VPS13D: variants seen among roughly 807,000 people sequenced by gnomAD.
The protein encoded by VPS13D is intermembrane lipid transfer protein VPS13D.
Under a neutral mutation model 461.9 loss-of-function variants are expected in VPS13D, and 187 were observed. The ratio of observed to expected loss-of-function variants is 0.40; its 90% CI spans 0.36 to 0.46. VPS13D has a LOEUF of 0.46. Among genes scored for constraint, VPS13D ranks in the 20% least tolerant of loss-of-function variants. VPS13D has a pLI of 0.60. For synonymous variants in VPS13D, 1,951 were observed against 1,986.3 expected, an observed-to-expected ratio of 0.98 and a Z score of 0.47; for missense variants, 4,711 against 5,364.9, an observed-to-expected ratio of 0.88 and a Z score of 3.81.
chr1:12,397,374 G>A (rs1404498622), intron 60 of VPS13D, among the ~76,000 whole-genome samples: 1 of 152,206 alleles, frequency 6.6e-6, no homozygotes, highest in Non-Finnish European at 1.5e-5. Flanking sequence ...CCTCTCCTTA[G>A]GCAGCATCCG....
chr1:12,475,339 C>A (rs946736650), intron 67 of VPS13D, among the ~76,000 whole-genome samples: 2 of 152,162 alleles, frequency 1.3e-5, no homozygotes, highest in African/African-American at 2.4e-5. Flanking sequence ...TTGCCCTGGT[C>A]ATGTCTGCAT....
intron 57 of VPS13D, among the ~76,000 whole-genome samples, chr1:12,379,921 A>C (rs546187672): frequency 6.6e-6 from 1 of 152,150 alleles, no homozygotes; most frequent in African/African-American, 2.4e-5. Context: ...GGTGCCCGCC[A>C]CCACGCCCGG....
chr1:12,368,951 T>C (rs1420380051), intron 53 of VPS13D, among the ~76,000 whole-genome samples: 1 of 152,202 alleles, frequency 6.6e-6, no homozygotes, highest in African/African-American at 2.4e-5. Flanking sequence ...GTTGCTTAGT[T>C]ACAGTGAGCA....
chr1:12,416,822 G>A lies in VPS13D; in HGVS notation c.12328G>A (p.Ala4110Thr). Reference sequence around the variant, plus strand: ...TACACACGGAGTATCAAACTCTGCTGCCAAGGTAAGGAAATAGAGGTGAAA... The same window carrying A: ...TACACACGGAGTATCAAACTCTGCTACCAAGGTAAGGAAATAGAGGTGAAA... ...NVTHGVSNSA[A>T]KFAGTLSDGL... The change falls in exon 65 of 70, where the codon GCC (alanine) becomes ACC (threonine). Residue 4110 changes from alanine to threonine, a missense_variant. Physicochemically the swap from Ala to Thr is moderately conservative, Grantham distance 58. Coordinates refer to ENST00000620676, the MANE Select transcript of VPS13D (RefSeq NM_015378.4). 1 of 1,610,180 alleles carries A rather than the reference G, an allele frequency of 6.2e-7. No homozygotes were observed. The highest frequency in any genetic ancestry group is 8.5e-7 in the Non-Finnish European group (1 of 1,178,532).
chr1:12,283,895 T>G (rs1177813511), intron 21 of VPS13D, among the ~76,000 whole-genome samples, 159 bp downstream of exon 21: 1 of 152,208 alleles, frequency 6.6e-6, no homozygotes, highest in Non-Finnish European at 1.5e-5. Flanking sequence ...GACATGAATA[T>G]TTTGGGAAAG....
At position 12,505,154 on chromosome 1, in the gene VPS13D, G is replaced by C. The variant is rs564149776; in HGVS notation, c.12795-1699G>C. Among the ~76,000 whole-genome samples, 1 of 152,042 alleles carries C rather than the reference G, an allele frequency of 6.6e-6. No homozygotes were observed. ...ATGCTCAGGGGTGTAGGCTGCTTCC[G>C]GGTCTCATCTCAGATCCCCGCCAGT... On this transcript the variant is annotated intron_variant, in intron 68 of 69. Coordinates refer to ENST00000620676, the MANE Select transcript of VPS13D (RefSeq NM_015378.4). This position sits in a 1 kb window ranked among gnomAD's most constrained non-coding sequence, Gnocchi z 4.2.
intron 40 of VPS13D, among the ~76,000 whole-genome samples, chr1:12,340,168 C>G (rs1643537472): frequency 6.6e-6 from 1 of 152,116 alleles, no homozygotes; most frequent in Non-Finnish European, 1.5e-5. Context: ...CCTTAATTTT[C>G]TACTTGATGA....
At chr1:12,411,563 GAGAA>G (rs1370531281) in intron 63 of VPS13D, among the ~76,000 whole-genome samples, 3 of 151,534 alleles carry the variant, frequency 2.0e-5, no homozygotes, top group Non-Finnish European at 2.9e-5. Flanking sequence ...GAGGGAGGGA[GAGAA>G]AGAAAACATT....
intron 43 of VPS13D, among the ~76,000 whole-genome samples, chr1:12,345,861 AT>A (rs1329945392): frequency 6.6e-6 from 1 of 152,146 alleles, no homozygotes; most frequent in Non-Finnish European, 1.5e-5. Flanking sequence ...AATATTTCTT[AT>A]AATGCAGCAC....
chr1:12,322,612 C>G lies in VPS13D; in HGVS notation c.7781C>G (p.Pro2594Arg). Residue 2594 changes from proline (P) to arginine (R), a missense_variant, in exon 34 of 70, where the codon CCA becomes CGA. Pro to Arg is a moderately radical substitution (Grantham distance 103). This residue lies in a region of VPS13D where 4,411 missense variants were observed against 4,937.8 expected (regional missense o/e 0.89). Coordinates refer to ENST00000620676, the MANE Select transcript of VPS13D (RefSeq NM_015378.4). ...TTTCTTGCCATTGCAAAATCCATCC[C>G]AGAGCAAGCTAATGCTGCAGTGCCA... is the stretch of plus-strand genomic sequence containing the variant. ...QLFLAIAKSI[P>R]EQANAAVPDS... 1 of 1,614,194 alleles carries G rather than the reference C, an allele frequency of 6.2e-7. No homozygotes were observed.
At chr1:12,503,957 G>A (rs1030229644) in intron 68 of VPS13D, among the ~76,000 whole-genome samples, 2 of 152,128 alleles carry the variant, frequency 1.3e-5, no homozygotes, top group Admixed American at 1.3e-4. Flanking sequence ...TAGGGAAAGG[G>A]AACGGAAGAA....
rs368778602 is a variant in VPS13D, at chr1:12,379,771, A to ATT, written c.11190+189_11190+190dup. Among the ~76,000 whole-genome samples the ATT allele has an allele frequency of 1.2e-4, 17 of 142,664 alleles. No individual in the cohort carries two copies. The South Asian group carries it at 3.3e-3, about 28-fold the overall frequency. The allele number at this position is 142,664 out of a possible 152,430, so 93.6% of individuals were successfully genotyped here. A position where few individuals can be genotyped will look rare whatever the true frequency, so the allele number is the denominator to read the frequency against. ...TCAGAGTTTTGTTGTGCATTTGTGT[A>ATT]TTTTTTTTTTTTTTTGAGGTGGAGT... On this transcript the variant is annotated intron_variant, in intron 57 of 69. Coordinates refer to ENST00000620676, the MANE Select transcript of VPS13D (RefSeq NM_015378.4).
intron 35 of VPS13D, 97 bp downstream of exon 35, chr1:12,323,877 A>G (rs1643110235): frequency 1.5e-6 from 2 of 1,306,736 alleles, no homozygotes; most frequent in Admixed American, 3.5e-5. Flanking sequence ...TAGAGAGCTG[A>G]GTGTGTTTGG....
chr1:12,460,085 G>A (rs569071464), intron 66 of VPS13D, 116 bp from the exon 67 acceptor site: 1 of 958,278 alleles, frequency 1.0e-6, no homozygotes, highest in South Asian at 2.3e-5. Flanking sequence ...TGGCCTCTCT[G>A]GCACAGAGAT....
In VPS13D at chr1:12,272,967, C is replaced by T. The variant is rs368357774; in HGVS notation, c.2104-36C>T. The T allele has an allele frequency of 3.1e-4, 503 of 1,603,386 alleles. 1 individual carries two copies. The highest frequency in any genetic ancestry group is 1.8e-4 in the Non-Finnish European group (206 of 1,174,898). ...CACCATGGATAAAGCTGTTGGGTTT[C>T]GGCAGTTATGGTTAATGACTGTTTT... is the stretch of plus-strand genomic sequence containing the variant. On this transcript the variant is annotated intron_variant, in intron 17 of 69. Transcript: ENST00000620676.
chr1:12,340,377 C>T (rs543932533), intron 40 of VPS13D, among the ~76,000 whole-genome samples: 10 of 152,258 alleles, frequency 6.6e-5, no homozygotes, highest in East Asian at 1.9e-4. Flanking sequence ...CCTGAACCAT[C>T]GTTGTTATCA....
chr1:12,308,602 C>T lies in VPS13D; in HGVS notation c.6611C>T (p.Pro2204Leu), dbSNP rs1642638404. 6.2e-7 allele frequency: 1 copy of T among 1,613,532 alleles called. No individual in the cohort carries two copies. The highest frequency in any genetic ancestry group is 8.5e-7 in the Non-Finnish European group (1 of 1,179,968). ...ACAGGAGGAAGCCTCTTAACCGAGC[C>T]TTGTAGGCTGAAATTGCAGGTGGAA... ...RQTGGSLLTE[P>L]CRLKLQVERN... Residue 2204 changes from proline to leucine, a missense_variant, in exon 27 of 70, where the codon CCT becomes CTT. Around this residue, in one of 3 missense-constraint regions of VPS13D, gnomAD observed 4,411 missense variants for 4,937.8 expected, o/e 0.89. Coordinates refer to ENST00000620676, the MANE Select transcript of VPS13D (RefSeq NM_015378.4).
In VPS13D at chr1:12,346,645, A is replaced by G; in HGVS notation, c.9062A>G (p.Gln3021Arg). 1 of 1,612,966 alleles carries G rather than the reference A, an allele frequency of 6.2e-7. No homozygotes were observed. Among genetic ancestry groups the G allele is most frequent in the East Asian group, 2.2e-5 (1 of 44,768 alleles). ...PSSRTNIIHPQVYFSSLPPVR... is the reference protein window; with the variant it reads ...PSSRTNIIHPRVYFSSLPPVR... ...AGCAGAACAAATATTATACATCCCC[A>G]GGTTTATGTAAGTATGATTTTCCTG... is the stretch of plus-strand genomic sequence containing the variant. The change falls in exon 44 of 70, where the codon CAG becomes CGG. Residue 3021 changes from glutamine (Q) to arginine (R), a missense_variant. Physicochemically the swap from Gln to Arg is conservative, Grantham distance 43. Coordinates refer to ENST00000620676, the MANE Select transcript of VPS13D (RefSeq NM_015378.4).
At chr1:12,428,499 A>C (rs1192962578) in intron 65 of VPS13D, among the ~76,000 whole-genome samples, 2 of 152,232 alleles carry the variant, frequency 1.3e-5, no homozygotes, top group Non-Finnish European at 2.9e-5. Flanking sequence ...AAGTGTGCAG[A>C]GAACATGACA....
Sources: allele counts gnomAD v4.1 joint callset (sites outside exome capture counted in the v4.1 genomes callset), GRCh38; gene constraint gnomAD v4.1.1; regional missense constraint gnomAD v4.1.1; non-coding constraint Gnocchi (gnomAD v3.1); transcripts MANE v1.5; gene names NCBI Gene and HGNC (gene_info 2026-07-23, HGNC 2026-07-21).